Variants in LRFN2 observed in about 807,000 individuals in gnomAD.
LRFN2 encodes the protein leucine rich repeat and fibronectin type III domain containing 2.
LRFN2 carries 18 observed loss-of-function variants against 37.3 expected under a neutral mutation model. That is an observed-to-expected ratio of 0.48 (90% CI 0.33 to 0.72). The LOEUF (loss-of-function observed/expected upper bound fraction) is 0.72. Among genes scored for constraint, LRFN2 ranks in the 30% least tolerant of loss-of-function variants. LRFN2 has a pLI of 0.02. For missense variants in LRFN2, 1,006 were observed against 1,060.7 expected (o/e 0.95, Z 0.72); for synonymous variants, 556 against 466.6 (o/e 1.19, Z -2.47).
At chr6:40,582,251 G>A (rs138139156) in intron 1 of LRFN2, among the ~76,000 whole-genome samples, 11 of 152,174 alleles carry the variant, frequency 7.2e-5, no homozygotes, top group African/African-American at 2.6e-4. Context: ...TGCTTCTTTA[G>A]GTTGTTTCTG....
chr6:40,562,361 A>C (rs186706377), intron 1 of LRFN2, among the ~76,000 whole-genome samples: 1 of 152,014 alleles, frequency 6.6e-6, no homozygotes. Context: ...TGCAGACCTA[A>C]GGGCCCTAGA....
At chr6:40,586,444 T>A (rs966700078) in intron 1 of LRFN2, among the ~76,000 whole-genome samples, 16 of 152,268 alleles carry the variant, frequency 1.1e-4, no homozygotes, top group Admixed American at 9.8e-4. Context: ...CATGCCTTCC[T>A]TCCTCCCATC....
At chr6:40,477,276 G>A (rs1026081827) in intron 1 of LRFN2, among the ~76,000 whole-genome samples, 9 of 152,178 alleles carry the variant, frequency 5.9e-5, no homozygotes, top group African/African-American at 2.2e-4. Context: ...TTCTCATGAT[G>A]TCTTAGTTTT....
intron 1 of LRFN2, among the ~76,000 whole-genome samples, chr6:40,486,769 T>C (rs942450620): frequency 6.6e-6 from 1 of 152,178 alleles, no homozygotes; most frequent in East Asian, 1.9e-4. Context: ...CACAAGGGTG[T>C]GTACGAGTGG....
At chr6:40,575,134 C>T (rs1208795482) in intron 1 of LRFN2, among the ~76,000 whole-genome samples, 1 of 152,176 alleles carries the variant, frequency 6.6e-6, no homozygotes, top group Non-Finnish European at 1.5e-5. Flanking sequence ...CCAACTCCTG[C>T]TCAGGAACCA....
intron 1 of LRFN2, among the ~76,000 whole-genome samples, chr6:40,554,898 T>C (rs912044847): frequency 6.6e-6 from 1 of 152,202 alleles, no homozygotes. Flanking sequence ...CCACAGCAAA[T>C]GCAGGAGGTA....
intron 1 of LRFN2, among the ~76,000 whole-genome samples, chr6:40,507,239 C>T (rs1404113369): frequency 2.0e-5 from 3 of 152,182 alleles, no homozygotes; most frequent in Admixed American, 6.5e-5. Context: ...ACACGTCAAA[C>T]TAGTCTCAGA....
At chr6:40,501,852 G>A (rs901429135) in intron 1 of LRFN2, 2 of 152,114 alleles carry the variant, frequency 1.3e-5, no homozygotes, top group African/African-American at 4.8e-5. Flanking sequence ...GAGCCCACGG[G>A]GAGTGGAGCC....
In LRFN2 at chr6:40,392,687, G is replaced by A. The variant is rs1348883450; in HGVS notation, c.1626C>T (p.Ile542=). The A allele has an allele frequency of 5.6e-6, 9 of 1,613,938 alleles. No individual in the cohort carries two copies. The highest frequency in any genetic ancestry group is 1.6e-4 in the Middle Eastern group (1 of 6,084). ...GTMILVIGGI[I]VATLLVFIVI... is the part of the protein sequence containing the mutation. ...CGATGAAGACCAGCAGCGTGGCCAC[G>A]ATGATGCCCCCGATGACCAGGATCA... The change falls in exon 3 of 3, where the codon ATC becomes ATT. Residue 542 remains isoleucine, a synonymous_variant. Transcript: ENST00000338305. The surrounding 1 kb of genome is among the most constrained non-coding windows in gnomAD (Gnocchi z 4.7).
intron 1 of LRFN2, among the ~76,000 whole-genome samples, chr6:40,554,508 G>A (rs557204842): frequency 6.6e-6 from 1 of 152,154 alleles, no homozygotes; most frequent in Non-Finnish European, 1.5e-5. Flanking sequence ...AAGACAAATT[G>A]ACAGGGAACA....
chr6:40,427,991 G>A (rs9471343), intron 2 of LRFN2, among the ~76,000 whole-genome samples: 7,304 of 152,242 alleles, frequency 0.048, 547 homozygotes, highest in African/African-American at 0.16. Context: ...CATACAGGCT[G>A]CCTGCATTCA....
intron 1 of LRFN2, 24 bp from the exon 2 acceptor site, chr6:40,433,155 A>C: frequency 2.6e-4 from 391 of 1,499,494 alleles, no homozygotes; most frequent in Non-Finnish European, 3.3e-4. Context: ...ACACAAGCTC[A>C]GGGTCAGGAG....
rs368785395 is a variant in LRFN2 at position 40,416,497 on chromosome 6, A to C, written c.1400+15217T>G. 3.9e-5 allele frequency among the ~76,000 whole-genome samples: 6 copies of C among 152,196 alleles called. No individual in the cohort carries two copies. In the East Asian group the frequency reaches 9.6e-4, roughly 24 times the overall value. ...GAGAGCGTTGGCCTGGATGAGCTTG[A>C]ACTGACCTTTTCTTACACTGGACTT... On this transcript the variant is annotated intron_variant, in intron 2 of 2. Coordinates refer to ENST00000338305, the MANE Select transcript of LRFN2 (RefSeq NM_020737.3).
chr6:40,556,329 G>A (rs1243339141), intron 1 of LRFN2, among the ~76,000 whole-genome samples: 2 of 152,200 alleles, frequency 1.3e-5, no homozygotes, highest in Non-Finnish European at 2.9e-5. Context: ...ACCCTGACAG[G>A]CCCCTCTTGC....
intron 1 of LRFN2, among the ~76,000 whole-genome samples, chr6:40,492,743 G>A (rs910834882): frequency 6.6e-6 from 1 of 152,132 alleles, no homozygotes; most frequent in African/African-American, 2.4e-5. Context: ...AGGCCCCCAA[G>A]GAGGGCACTG....
chr6:40,452,402 A>G (rs1170188905), intron 1 of LRFN2, among the ~76,000 whole-genome samples: 1 of 152,206 alleles, frequency 6.6e-6, no homozygotes, highest in Non-Finnish European at 1.5e-5. Flanking sequence ...AATTAGCCAC[A>G]TCAGTTAGCA....
At chr6:40,580,387 T>C (rs988726747) in intron 1 of LRFN2, among the ~76,000 whole-genome samples, 1 of 152,038 alleles carries the variant, frequency 6.6e-6, no homozygotes, top group African/African-American at 2.4e-5. Flanking sequence ...GGTCACCCTT[T>C]GTCTGTGTGT....
intron 2 of LRFN2, among the ~76,000 whole-genome samples, chr6:40,425,398 A>G (rs550050295): frequency 7.4e-4 from 113 of 152,310 alleles, no homozygotes; most frequent in African/African-American, 2.6e-3. Context: ...GATGTTCTTG[A>G]CAACTCTTAG....
At chr6:40,471,848 G>T (rs1764603421) in intron 1 of LRFN2, among the ~76,000 whole-genome samples, 3 of 152,166 alleles carry the variant, frequency 2.0e-5, no homozygotes, top group African/African-American at 7.2e-5. Context: ...TGAAGGAAGA[G>T]GGTAAGCAGG....
Sources: gnomAD v4.1 joint callset for allele counts (sites outside exome capture counted in the v4.1 genomes callset) on GRCh38, gnomAD v4.1.1 for gene constraint, Gnocchi (gnomAD v3.1) non-coding constraint, MANE v1.5 for transcripts, NCBI Gene and HGNC (gene_info 2026-07-23, HGNC 2026-07-21) for gene names.